The following LAMP3 variants were observed in gnomAD, a reference collection of about 807,000 sequenced individuals.
The protein encoded by LAMP3 is lysosome-associated membrane glycoprotein 3.
Under a neutral mutation model 34.8 loss-of-function variants are expected in LAMP3, and 26 were observed. The ratio of observed to expected loss-of-function variants is 0.75; its 90% CI spans 0.55 to 1.04. The LOEUF (loss-of-function observed/expected upper bound fraction) is 1.04, where lower values mean the gene tolerates loss of function less well. Ranked by LOEUF, LAMP3 falls within the 50% of genes least tolerant of loss-of-function variation. The pLI, the probability that LAMP3 is intolerant of heterozygous loss-of-function variation, is 0.00. For synonymous variants in LAMP3, 180 were observed against 201.9 expected (o/e 0.89, Z 0.92); for missense variants, 495 against 524.0 (o/e 0.94, Z 0.54).
In LAMP3 at chr3:183,123,806, A is replaced by T. The variant is rs77148492; in HGVS notation, c.*275T>A. On this transcript the variant is annotated 3_prime_UTR_variant, in exon 6 of 6. Transcript: ENST00000265598. ...ACTTTACATATATTATGTTAATTCA[A>T]CATATCTCAAATGTTGACTTTGAGT... The T allele has an allele frequency of 1.5e-3, 598 of 392,408 alleles. 5 individuals carry two copies. The highest frequency in any genetic ancestry group is 0.012 in the African/African-American group (559 of 47,394). The allele number at this position is 392,408 out of a possible 1,614,324, so 24.3% of individuals were successfully genotyped here.
chr3:183,125,407 G>C (rs1330665284), intron 5 of LAMP3, among the ~76,000 whole-genome samples: 1 of 152,098 alleles, frequency 6.6e-6, no homozygotes, highest in Non-Finnish European at 1.5e-5. Context: ...AAGAAAATTT[G>C]GACAAGAAAG....
chr3:183,160,253 G>C (rs1008729835), intron 1 of LAMP3, among the ~76,000 whole-genome samples: 1 of 152,162 alleles, frequency 6.6e-6, no homozygotes, highest in Non-Finnish European at 1.5e-5. Flanking sequence ...TACTCAGAGA[G>C]TTTACCCAAA....
chr3:183,140,331 C>T (rs576872145), intron 4 of LAMP3, among the ~76,000 whole-genome samples: 18 of 137,950 alleles, frequency 1.3e-4, no homozygotes, highest in Admixed American at 2.5e-4. Flanking sequence ...CGCTTGAACA[C>T]GGGAGGCAGA....
intron 3 of LAMP3, among the ~76,000 whole-genome samples, chr3:183,151,666 G>T (rs1156433563): frequency 1.3e-5 from 2 of 152,090 alleles, no homozygotes; most frequent in African/African-American, 4.8e-5. Flanking sequence ...GACCTCAGGT[G>T]ATCTGCCCGC....
intron 4 of LAMP3, among the ~76,000 whole-genome samples, chr3:183,138,338 T>C (rs1029078233): frequency 1.3e-5 from 2 of 152,190 alleles, no homozygotes; most frequent in African/African-American, 4.8e-5. Flanking sequence ...CCTGAACATA[T>C]CACTACAATG....
intron 5 of LAMP3, 49 bp from the exon 6 acceptor site, chr3:183,124,263 G>A: frequency 6.8e-7 from 1 of 1,464,008 alleles, no homozygotes; most frequent in Non-Finnish European, 9.0e-7. Flanking sequence ...TGGTGATGCA[G>A]TCCAGAAAGC....
chr3:183,156,095 C>T (rs908410212), intron 1 of LAMP3, among the ~76,000 whole-genome samples: 1 of 152,156 alleles, frequency 6.6e-6, no homozygotes, highest in African/African-American at 2.4e-5. Context: ...CGCGGTGGCT[C>T]ACGCCTGTAA....
Position 183,153,744 on chromosome 3 carries a change from C to A in LAMP3, c.697G>T (p.Gly233Ter). ...VKTGIYQVLN[G>*]SRLCIKAEMG... ...TCTGCTTTTATACAGAGTCTGCTTC[C>A]GTTTAGAACCTGATAAATTCCAGTC... is the stretch of plus-strand genomic sequence containing the variant. The change falls in exon 2 of 6, where the codon GGA becomes TGA. Residue 233 changes from glycine to a stop codon, truncating the protein, a stop_gained. Coordinates refer to ENST00000265598, the MANE Select transcript of LAMP3 (RefSeq NM_014398.4). LOFTEE classifies it high-confidence loss of function. 6.5e-7 allele frequency: 1 copy of A among 1,542,158 alleles called. No homozygotes were observed. The highest frequency in any genetic ancestry group is 1.3e-5 in the South Asian group (1 of 77,550).
chr3:183,162,563 C>A (rs1314171171), intron 1 of LAMP3, 44 bp downstream of exon 1: 2 of 1,540,010 alleles, frequency 1.3e-6, no homozygotes, highest in East Asian at 2.5e-5. Context: ...TGAAAGGGGA[C>A]CGACACGTCA....
rs962311383 is a variant in LAMP3 at position 183,144,971 on chromosome 3, G to A, written c.889-4376C>T. Among the ~76,000 whole-genome samples the A allele has an allele frequency of 5.3e-5, 8 of 152,146 alleles. No individual in the cohort carries two copies. The East Asian group carries it at 5.8e-4, about 11-fold the overall frequency. Reference sequence around the variant, plus strand: ...CAGCATTGATTCCAGGACCTCAGTCGGCCAGTGCACTGCCTGACCCTCGCA... The same window carrying A: ...CAGCATTGATTCCAGGACCTCAGTCAGCCAGTGCACTGCCTGACCCTCGCA... On this transcript the variant is annotated intron_variant, in intron 3 of 5. Coordinates refer to ENST00000265598, the MANE Select transcript of LAMP3 (RefSeq NM_014398.4).
At chr3:183,163,185 T>C (rs916791564), upstream of LAMP3, among the ~76,000 whole-genome samples, 7 of 151,942 alleles carry the variant, frequency 4.6e-5, no homozygotes, top group Admixed American at 2.0e-4. Flanking sequence ...CTCGAGCTCC[T>C]GACCTCGTGA....
chr3:183,147,198 G>A (rs544625974), intron 3 of LAMP3, among the ~76,000 whole-genome samples: 5 of 152,132 alleles, frequency 3.3e-5, no homozygotes, highest in Non-Finnish European at 5.9e-5. Flanking sequence ...AGCCAAGATC[G>A]TGTCACTGCA....
At chr3:183,151,488 C>T (rs1317545701) in intron 3 of LAMP3, among the ~76,000 whole-genome samples, 4 of 140,930 alleles carry the variant, frequency 2.8e-5, no homozygotes, top group African/African-American at 2.7e-5. Flanking sequence ...AGTGCAATGG[C>T]GCAATCTCGG....
intron 3 of LAMP3, among the ~76,000 whole-genome samples, chr3:183,147,486 A>T (rs1720483131): frequency 6.6e-6 from 1 of 152,022 alleles, no homozygotes; most frequent in Non-Finnish European, 1.5e-5. Context: ...TGCTTACTTT[A>T]ATATTTTTCT....
At position 183,135,950 on chromosome 3, in the gene LAMP3, G is replaced by A. The variant is rs574690378; in HGVS notation, c.947-63C>T. 6 of 1,337,232 alleles carry A rather than the reference G, an allele frequency of 4.5e-6. No individual in the cohort carries two copies. The African/African-American group carries it at 7.1e-5, about 16-fold the overall frequency. 82.8% of individuals were successfully genotyped at this position (1,337,232 alleles called of 1,614,324 possible). On this transcript the variant is annotated intron_variant, in intron 4 of 5. Transcript: ENST00000265598. ...ATGTAACCGCTGAGCTCCAGCTGTG[G>A]CCGGGCTGCCTGTGCACAGCTAAAT... is the stretch of plus-strand genomic sequence containing the variant.
At chr3:183,158,250 T>G (rs1045971882) in intron 1 of LAMP3, 3 of 152,122 alleles carry the variant, frequency 2.0e-5, no homozygotes, top group African/African-American at 7.2e-5. Flanking sequence ...ACACACATGG[T>G]CTATGTATAC....
chr3:183,156,046 G>T (rs1167813876), intron 1 of LAMP3, among the ~76,000 whole-genome samples: 1 of 152,156 alleles, frequency 6.6e-6, no homozygotes, highest in Non-Finnish European at 1.5e-5. Context: ...GGCACATAGG[G>T]ATCCAGAAAA....
At chr3:183,131,860 A>G in intron 5 of LAMP3, 2 of 894,136 alleles carry the variant, frequency 2.2e-6, no homozygotes, top group Non-Finnish European at 2.7e-6. Flanking sequence ...GGAAACCATG[A>G]ATAACATCCT....
In LAMP3 at chr3:183,123,801, A is replaced by G. The variant is rs1719721556; in HGVS notation, c.*280T>C. Reference sequence around the variant, plus strand: ...ATTCTACTTTACATATATTATGTTAATTCAACATATCTCAAATGTTGACTT... The same window carrying G: ...ATTCTACTTTACATATATTATGTTAGTTCAACATATCTCAAATGTTGACTT... On this transcript the variant is annotated 3_prime_UTR_variant, in exon 6 of 6. Coordinates refer to ENST00000265598, the MANE Select transcript of LAMP3 (RefSeq NM_014398.4). 2.6e-6 allele frequency: 1 copy of G among 378,970 alleles called. No homozygotes were observed. The highest frequency in any genetic ancestry group is 2.1e-5 in the African/African-American group (1 of 46,850). The allele number at this position is 378,970 out of a possible 1,614,324, so 23.5% of individuals were successfully genotyped here.
Sources: allele counts gnomAD v4.1 joint callset (sites outside exome capture counted in the v4.1 genomes callset), GRCh38; gene constraint gnomAD v4.1.1; transcripts MANE v1.5; gene names NCBI Gene and HGNC (gene_info 2026-07-23, HGNC 2026-07-21).